The following FBXO8 variants were observed in gnomAD, a reference collection of about 807,000 sequenced individuals.
FBXO8 encodes the protein F-box protein 8.
A neutral mutation model predicts 33.4 loss-of-function variants in FBXO8; 15 were observed. The observed-to-expected ratio is 0.45, with a 90% CI of 0.30 to 0.69. The LOEUF (loss-of-function observed/expected upper bound fraction) is 0.69, where lower values mean the gene tolerates loss of function less well. Ranked by LOEUF, FBXO8 falls within the 30% of genes least tolerant of loss-of-function variation. The pLI is 0.08. For synonymous variants in FBXO8, 132 were observed against 131.5 expected (o/e 1.00, Z -0.02); for missense variants, 274 against 380.3 (o/e 0.72, Z 2.32).
At chr4:174,266,074 T>C (rs1736688350) in intron 1 of FBXO8, among the ~76,000 whole-genome samples, 3 of 152,152 alleles carry the variant, frequency 2.0e-5, no homozygotes, top group African/African-American at 7.2e-5. Context: ...TAGTGGCATA[T>C]GGTTAAGCAG....
intron 1 of FBXO8, among the ~76,000 whole-genome samples, chr4:174,266,341 T>C (rs1351245573): frequency 2.0e-5 from 3 of 152,228 alleles, no homozygotes; most frequent in Admixed American, 2.0e-4. Context: ...CCTTATTTTC[T>C]GTATTCCTAC....
At chr4:174,242,362 A>AT (rs907864857) in intron 3 of FBXO8, among the ~76,000 whole-genome samples, 1 of 151,452 alleles carries the variant, frequency 6.6e-6, no homozygotes, top group Non-Finnish European at 1.5e-5. Flanking sequence ...TATGGTAAAA[A>AT]TTTTTTTTAA....
chr4:174,279,262 C>T (rs114036003), intron 1 of FBXO8, among the ~76,000 whole-genome samples: 1 of 151,816 alleles, frequency 6.6e-6, no homozygotes, highest in East Asian at 1.9e-4. Flanking sequence ...GAAAATAATA[C>T]CAACTACAAC....
Position 174,262,944 on chromosome 4 carries a change from C to T in FBXO8, c.149G>A (p.Gly50Asp), listed in dbSNP as rs1202079501. Residue 50 changes from glycine to aspartate, a missense_variant, in exon 2 of 6, where the codon GGC (glycine) becomes GAC (aspartate). Transcript: ENST00000393674. The surrounding 1 kb of genome is among the most constrained non-coding windows in gnomAD (Gnocchi z 4.6). ...NTNHRKQVQGGIDIYHLLKAR... is the reference protein window; with the variant it reads ...NTNHRKQVQGDIDIYHLLKAR... ...CTTCAAAAGATGATATATGTCAATG[C>T]CTCCTTGGACTTGTTTACGATGATT... The T allele has an allele frequency of 1.9e-6, 3 of 1,613,912 alleles. No homozygotes were observed. The highest frequency in any genetic ancestry group is 2.5e-6 in the Non-Finnish European group (3 of 1,179,944).
In FBXO8 at chr4:174,272,110, G is replaced by T. The variant is rs191273774; in HGVS notation, c.-8-9010C>A. On this transcript the variant is annotated intron_variant, in intron 1 of 5. Transcript: ENST00000393674. This position sits in a 1 kb window ranked among gnomAD's most constrained non-coding sequence, Gnocchi z 4.7. ...AACAAAACAAAAGCAATGGGATAAC[G>T]TCAAAAGGACATTAGGAGCTAATTT... 2.0e-5 allele frequency among the ~76,000 whole-genome samples: 3 copies of T among 152,154 alleles called. No homozygotes were observed. Among genetic ancestry groups the T allele is most frequent in the Non-Finnish European group, 4.4e-5 (3 of 68,016 alleles).
Position 174,272,889 on chromosome 4 carries a change from G to T in FBXO8, c.-8-9789C>A, listed in dbSNP as rs966540114. Among the ~76,000 whole-genome samples, 1 of 152,124 alleles carries T rather than the reference G, an allele frequency of 6.6e-6. No homozygotes were observed. The highest frequency in any genetic ancestry group is 1.5e-5 in the Non-Finnish European group (1 of 68,014). Reference sequence around the variant, plus strand: ...CATATGCCTCTAGATGTGATGCCCTGAGGACACAACATCATTATATAGTAT... The same window carrying T: ...CATATGCCTCTAGATGTGATGCCCTTAGGACACAACATCATTATATAGTAT... On this transcript the variant is annotated intron_variant, in intron 1 of 5. Coordinates refer to ENST00000393674, the MANE Select transcript of FBXO8 (RefSeq NM_012180.3). This position sits in a 1 kb window ranked among gnomAD's most constrained non-coding sequence, Gnocchi z 4.7.
chr4:174,268,048 A>G (rs1736732099), intron 1 of FBXO8, among the ~76,000 whole-genome samples: 1 of 152,196 alleles, frequency 6.6e-6, no homozygotes, highest in Non-Finnish European at 1.5e-5. Context: ...AGCATAGTCT[A>G]TGTTAGTCTA....
In FBXO8 at chr4:174,277,227, G is replaced by A. The variant is rs1736980891; in HGVS notation, c.-9+6183C>T. 6.6e-6 allele frequency among the ~76,000 whole-genome samples: 1 copy of A among 151,968 alleles called. No homozygotes were observed. Among genetic ancestry groups the A allele is most frequent in the African/African-American group, 2.4e-5 (1 of 41,390 alleles). ...TACATTTCTAAGAGATGGTATTTTTGACTACTATGTTTTGTTTCCTATTCA... is the reference window on the plus strand; with the variant it reads ...TACATTTCTAAGAGATGGTATTTTTAACTACTATGTTTTGTTTCCTATTCA... On this transcript the variant is annotated intron_variant, in intron 1 of 5. Transcript: ENST00000393674. This position sits in a 1 kb window ranked among gnomAD's most constrained non-coding sequence, Gnocchi z 4.9.
At chr4:174,264,463 G>A (rs1736642077) in intron 1 of FBXO8, among the ~76,000 whole-genome samples, 1 of 152,032 alleles carries the variant, frequency 6.6e-6, no homozygotes, top group Non-Finnish European at 1.5e-5. Flanking sequence ...ATTTAAAAAG[G>A]TATAATCCAC....
At chr4:174,246,867 A>T (rs965459702) in intron 3 of FBXO8, among the ~76,000 whole-genome samples, 2 of 152,006 alleles carry the variant, frequency 1.3e-5, no homozygotes, top group African/African-American at 2.4e-5. Context: ...CTATCTGGGG[A>T]GCATTGGAAA....
chr4:174,261,157 TCA>T lies in FBXO8; in HGVS notation c.330-1334_330-1333del, dbSNP rs1736550501. Among the ~76,000 whole-genome samples the T allele has an allele frequency of 6.6e-6, 1 of 151,988 alleles. No homozygotes were observed. The highest frequency in any genetic ancestry group is 1.5e-5 in the Non-Finnish European group (1 of 67,834). On this transcript the variant is annotated intron_variant, in intron 2 of 5. Transcript: ENST00000393674. The surrounding 1 kb of genome is among the most constrained non-coding windows in gnomAD (Gnocchi z 4.1). Reference sequence around the variant, plus strand: ...TGTTTAGAATATTATCAATATTTTTTCAGTCTTATTAATCTAGTCCCAATAAA... The same window carrying T: ...TGTTTAGAATATTATCAATATTTTTTGTCTTATTAATCTAGTCCCAATAAA...
intron 3 of FBXO8, among the ~76,000 whole-genome samples, chr4:174,249,655 G>A (rs1449247253): frequency 2.0e-5 from 3 of 152,022 alleles, no homozygotes; most frequent in Admixed American, 2.0e-4. Context: ...TAGTTTCACT[G>A]CTAGCACATG....
chr4:174,271,669 C>T (rs1736840399), intron 1 of FBXO8, among the ~76,000 whole-genome samples: 2 of 152,030 alleles, frequency 1.3e-5, no homozygotes, highest in African/African-American at 2.4e-5. Flanking sequence ...ACAATTGGCC[C>T]AGCATAATGG....
chr4:174,278,073 T>A lies in FBXO8; in HGVS notation c.-9+5337A>T, dbSNP rs969482016. Reference sequence around the variant, plus strand: ...CCAAAGAAGTTTAGAACAGACTGCGTAGAGAAATTTTTTAAAAAAGAAAAA... The same window carrying A: ...CCAAAGAAGTTTAGAACAGACTGCGAAGAGAAATTTTTTAAAAAAGAAAAA... On this transcript the variant is annotated intron_variant, in intron 1 of 5. Coordinates refer to ENST00000393674, the MANE Select transcript of FBXO8 (RefSeq NM_012180.3). This position sits in a 1 kb window ranked among gnomAD's most constrained non-coding sequence, Gnocchi z 4.1. 3.9e-5 allele frequency among the ~76,000 whole-genome samples: 6 copies of A among 151,994 alleles called. No homozygotes were observed. The highest frequency in any genetic ancestry group is 6.6e-5 in the Admixed American group (1 of 15,262).
In FBXO8 at chr4:174,237,341, C is replaced by A. The variant is rs1029788178; in HGVS notation, c.*71G>T. 127 of 1,306,666 alleles carry A rather than the reference C, an allele frequency of 9.7e-5. 2 individuals are homozygous for A. In the South Asian group the frequency reaches 1.7e-3, roughly 18 times the overall value. The allele number at this position is 1,306,666 out of a possible 1,614,324, so 80.9% of individuals were successfully genotyped here. ...GCTACAATGACCAGCACTGATGTAA[C>A]CCCCATATCTGCTAAGTCCTTGGGT... On this transcript the variant is annotated 3_prime_UTR_variant, in exon 6 of 6. Coordinates refer to ENST00000393674, the MANE Select transcript of FBXO8 (RefSeq NM_012180.3). The surrounding 1 kb of genome is among the most constrained non-coding windows in gnomAD (Gnocchi z 4.4).
At chr4:174,266,122 A>T (rs1736689199) in intron 1 of FBXO8, among the ~76,000 whole-genome samples, 1 of 152,148 alleles carries the variant, frequency 6.6e-6, no homozygotes, top group African/African-American at 2.4e-5. Context: ...GGGAACAAAG[A>T]ATCAGGGTGA....
At chr4:174,240,634 G>T (rs1736014391) in intron 4 of FBXO8, among the ~76,000 whole-genome samples, 1 of 151,554 alleles carries the variant, frequency 6.6e-6, no homozygotes, top group Non-Finnish European at 1.5e-5. Context: ...TTTCACACTT[G>T]AACATAACAT....
At chr4:174,280,599 C>T (rs866321057) in intron 1 of FBXO8, among the ~76,000 whole-genome samples, 32 of 152,102 alleles carry the variant, frequency 2.1e-4, no homozygotes, top group African/African-American at 7.5e-4. Flanking sequence ...TGTCCAATAA[C>T]AGATGAATGG....
intron 3 of FBXO8, among the ~76,000 whole-genome samples, chr4:174,242,792 T>C (rs1736070261): frequency 6.6e-6 from 1 of 151,506 alleles, no homozygotes; most frequent in African/African-American, 2.4e-5. Context: ...TAATCGAGAG[T>C]TGACTGTATA....
Sources: gnomAD v4.1 joint callset for allele counts (sites outside exome capture counted in the v4.1 genomes callset) on GRCh38, gnomAD v4.1.1 for gene constraint, Gnocchi (gnomAD v3.1) non-coding constraint, MANE v1.5 for transcripts, NCBI Gene and HGNC (gene_info 2026-07-23, HGNC 2026-07-21) for gene names.